DOCK2: variants seen among roughly 807,000 people sequenced by gnomAD.
DOCK2 encodes dedicator of cytokinesis protein 2.
A neutral mutation model predicts 248.9 loss-of-function variants in DOCK2; 87 were observed. The observed-to-expected ratio is 0.35, with a 90% confidence interval of 0.29 to 0.42. The LOEUF is 0.42. Ranked by LOEUF, DOCK2 falls within the 10% of genes least tolerant of loss-of-function variation. DOCK2 has a pLI of 1.00. For missense variants in DOCK2, 1,747 were observed against 2,300.2 expected, an observed-to-expected ratio of 0.76 and a Z score of 4.92; for synonymous variants, 805 against 821.6, an observed-to-expected ratio of 0.98 and a Z score of 0.35.
At chr5:169,646,288 C>G (rs1757458944) in intron 1 of DOCK2, among the ~76,000 whole-genome samples, 1 of 152,214 alleles carries the variant, frequency 6.6e-6, no homozygotes, top group Middle Eastern at 3.4e-3. Flanking sequence ...CTGTTCTGTT[C>G]CATTGGTCTA....
At chr5:169,661,828 A>G (rs745500488) in intron 2 of DOCK2, among the ~76,000 whole-genome samples, 5 of 152,198 alleles carry the variant, frequency 3.3e-5, no homozygotes, top group Non-Finnish European at 7.3e-5. Flanking sequence ...TCCATTGTAT[A>G]TGTATATTAC....
chr5:169,778,732 C>G (rs1397949939), intron 25 of DOCK2, among the ~76,000 whole-genome samples: 2 of 152,126 alleles, frequency 1.3e-5, no homozygotes, highest in Non-Finnish European at 2.9e-5. Context: ...AACCAGCTGC[C>G]CAGAGATAGT....
chr5:169,983,584 C>T (rs955719761), intron 28 of DOCK2, among the ~76,000 whole-genome samples: 6 of 152,190 alleles, frequency 3.9e-5, no homozygotes, highest in African/African-American at 7.2e-5. Flanking sequence ...TTCTTCTAGC[C>T]TCTCAGGATG....
chr5:169,994,366 A>G (rs1561871603), intron 29 of DOCK2, among the ~76,000 whole-genome samples: 1 of 152,206 alleles, frequency 6.6e-6, no homozygotes, highest in Non-Finnish European at 1.5e-5. Flanking sequence ...ACCATGATGA[A>G]TGTTGGGAAA....
chr5:169,975,958 T>G (rs1009607838), intron 27 of DOCK2, among the ~76,000 whole-genome samples: 1 of 152,196 alleles, frequency 6.6e-6, no homozygotes, highest in Non-Finnish European at 1.5e-5. Context: ...TGCTAGAATA[T>G]AATTTAAGAT....
In DOCK2 at chr5:170,036,502, C is replaced by T; in HGVS notation, c.3625-13C>T. 1 of 1,612,442 alleles carries T rather than the reference C, an allele frequency of 6.2e-7. No homozygotes were observed. The highest frequency in any genetic ancestry group is 8.5e-7 in the Non-Finnish European group (1 of 1,179,178). ...AGAACAACACTCATCATTGTTTTTC[C>T]TCCCCTACCTAGAATTTCTACAAAG... is the stretch of plus-strand genomic sequence containing the variant. On this transcript the variant is annotated splice_polypyrimidine_tract_variant and intron_variant, in intron 35 of 51. Coordinates refer to ENST00000520908, the MANE Select transcript of DOCK2 (RefSeq NM_004946.3).
chr5:170,034,543 C>A lies in DOCK2; in HGVS notation c.3612C>A (p.Thr1204=). Residue 1204 remains threonine, a synonymous_variant, in exon 35 of 52, where the codon ACC becomes ACA. Coordinates refer to ENST00000520908, the MANE Select transcript of DOCK2 (RefSeq NM_004946.3). Reference sequence around the variant, plus strand: ...GCAAAGACAACCGCATGAGCTGCACCGTGAACCTGCTGGTGCGTGGGGCTG... The same window carrying A: ...GCAAAGACAACCGCATGAGCTGCACAGTGAACCTGCTGGTGCGTGGGGCTG... ...DESKDNRMSC[T]VNLLNFYKDN... 1.9e-6 allele frequency: 3 copies of A among 1,613,822 alleles called. No individual in the cohort carries two copies. The highest frequency in any genetic ancestry group is 2.5e-6 in the Non-Finnish European group (3 of 1,179,892).
chr5:170,081,774 C>T, intron 50 of DOCK2, 68 bp from the exon 51 acceptor site: 4 of 886,934 alleles, frequency 4.5e-6, no homozygotes, highest in South Asian at 3.7e-5. Flanking sequence ...CTCCCCCTGT[C>T]TACCTCCCCC....
At chr5:169,766,549 A>G (rs1386573776) in intron 25 of DOCK2, among the ~76,000 whole-genome samples, 1 of 152,130 alleles carries the variant, frequency 6.6e-6, no homozygotes, top group Admixed American at 6.5e-5. Flanking sequence ...GCATATGTTT[A>G]TGAATGTTAA....
chr5:169,778,168 A>G (rs1765488761), intron 25 of DOCK2, among the ~76,000 whole-genome samples: 1 of 152,232 alleles, frequency 6.6e-6, no homozygotes, highest in Non-Finnish European at 1.5e-5. Context: ...ACTAACACAC[A>G]GAGGTGCATT....
chr5:169,947,391 G>A (rs914105166), intron 27 of DOCK2, among the ~76,000 whole-genome samples: 9 of 152,192 alleles, frequency 5.9e-5, no homozygotes, highest in Admixed American at 1.3e-4. Context: ...CCAGGCACTG[G>A]GCTGCATGCT....
Position 169,951,742 on chromosome 5 carries a change from A to C in DOCK2, c.2800-31326A>C, listed in dbSNP as rs569171143. ...ATAGCTACACCAAGGATTGTGCTCA[A>C]GTTTTGACTTATATTAGCTTGTTTA... On this transcript the variant is annotated intron_variant, in intron 27 of 51. Transcript: ENST00000520908. Among the ~76,000 whole-genome samples the C allele has an allele frequency of 2.9e-4, 44 of 152,344 alleles. 1 individual carries two copies. The highest frequency in any genetic ancestry group is 6.2e-4 in the South Asian group (3 of 4,818).
intron 22 of DOCK2, among the ~76,000 whole-genome samples, chr5:169,740,573 G>A (rs1240275663): frequency 6.6e-6 from 1 of 152,202 alleles, no homozygotes; most frequent in Non-Finnish European, 1.5e-5. Flanking sequence ...ATTGACAAAA[G>A]TACTTGGCAC....
At chr5:170,033,716 C>T (rs570961750) in intron 34 of DOCK2, among the ~76,000 whole-genome samples, 11 of 152,260 alleles carry the variant, frequency 7.2e-5, no homozygotes, top group Admixed American at 2.6e-4. Context: ...AATGAGTTAC[C>T]ATTTGCATGA....
chr5:169,935,539 T>C (rs1775948844), intron 27 of DOCK2, among the ~76,000 whole-genome samples: 1 of 152,076 alleles, frequency 6.6e-6, no homozygotes, highest in Admixed American at 6.5e-5. Flanking sequence ...AGGTCAAGGT[T>C]TGGGAGACTA....
chr5:169,825,594 G>T (rs1055629689), intron 26 of DOCK2, among the ~76,000 whole-genome samples: 2 of 135,682 alleles, frequency 1.5e-5, no homozygotes, highest in Non-Finnish European at 3.1e-5. Flanking sequence ...CGCAGGGCGG[G>T]GAACATCACA....
intron 30 of DOCK2, among the ~76,000 whole-genome samples, chr5:170,002,717 T>A (rs1389060933): frequency 1.3e-5 from 2 of 152,230 alleles, no homozygotes; most frequent in African/African-American, 4.8e-5. Flanking sequence ...CTGTGCAATA[T>A]GGTAGTCAGA....
intron 29 of DOCK2, among the ~76,000 whole-genome samples, chr5:169,992,957 G>C (rs922019834): frequency 2.6e-5 from 4 of 152,122 alleles, no homozygotes; most frequent in Admixed American, 2.0e-4. Flanking sequence ...AAATCAATTC[G>C]CGGTCATTAG....
chr5:169,719,179 T>C (rs756317757), intron 22 of DOCK2, among the ~76,000 whole-genome samples: 6 of 152,228 alleles, frequency 3.9e-5, no homozygotes, highest in Non-Finnish European at 8.8e-5. Flanking sequence ...TTGTAGGTTG[T>C]ACATGGCCAA....
Sources: allele counts gnomAD v4.1 joint callset (sites outside exome capture counted in the v4.1 genomes callset), GRCh38; gene constraint gnomAD v4.1.1; transcripts MANE v1.5; gene names NCBI Gene and HGNC (gene_info 2026-07-23, HGNC 2026-07-21).